CFAP299: variants seen among roughly 807,000 people sequenced by gnomAD.
CFAP299 encodes the protein cilia- and flagella-associated protein 299.
A neutral mutation model predicts 27.0 loss-of-function variants in CFAP299; 21 were observed. The ratio of observed to expected loss-of-function variants is 0.78; its 90% CI spans 0.55 to 1.12. The LOEUF (loss-of-function observed/expected upper bound fraction) is 1.12, where lower values mean the gene tolerates loss of function less well. Among genes scored for constraint, CFAP299 ranks in the 50% most tolerant of loss-of-function variants. CFAP299 has a pLI of 0.00. For missense variants in CFAP299, 310 were observed against 276.6 expected, an observed-to-expected ratio of 1.12 and a Z score of -0.86; for synonymous variants, 104 against 98.1, an observed-to-expected ratio of 1.06 and a Z score of -0.36.
chr4:80,830,718 A>G (rs1455147180), intron 3 of CFAP299, among the ~76,000 whole-genome samples: 2 of 152,084 alleles, frequency 1.3e-5, no homozygotes, highest in East Asian at 3.9e-4. Flanking sequence ...GAGTAACTTG[A>G]CTAATTGTGT....
chr4:80,323,272 C>G, the CFAP299 span, among the ~76,000 whole-genome samples: 1 of 152,132 alleles, frequency 6.6e-6, no homozygotes, highest in African/African-American at 2.4e-5. Context: ...ACCAACATTA[C>G]TTAGAAAAAA....
At chr4:80,949,441 A>T (rs1292221568) in intron 5 of CFAP299, among the ~76,000 whole-genome samples, 1 of 152,058 alleles carries the variant, frequency 6.6e-6, no homozygotes, top group Non-Finnish European at 1.5e-5. Flanking sequence ...ATGTTAAGTG[A>T]TAATGGAGGA....
At chr4:80,651,074 T>C (rs928247191) in intron 3 of CFAP299, among the ~76,000 whole-genome samples, 8 of 152,160 alleles carry the variant, frequency 5.3e-5, no homozygotes, top group Admixed American at 2.0e-4. Flanking sequence ...TAGTGATTTG[T>C]ATATTTTTGT....
chr4:80,763,136 T>C (rs1725635068), intron 3 of CFAP299, among the ~76,000 whole-genome samples: 1 of 152,164 alleles, frequency 6.6e-6, no homozygotes, highest in East Asian at 1.9e-4. Context: ...GTAAAGTGTA[T>C]TTAAATAGGA....
chr4:80,617,412 A>G (rs1320156840), intron 3 of CFAP299, among the ~76,000 whole-genome samples: 1 of 152,128 alleles, frequency 6.6e-6, no homozygotes, highest in South Asian at 2.1e-4. Context: ...ATACCCTGCC[A>G]TCAACTTAGC....
chr4:80,430,944 C>T (rs753252395), intron 2 of CFAP299, among the ~76,000 whole-genome samples: 2 of 152,106 alleles, frequency 1.3e-5, no homozygotes, highest in African/African-American at 4.8e-5. Flanking sequence ...ACCTTTTCTT[C>T]CAGATACCCA....
chr4:80,717,505 C>T (rs1166189413), intron 3 of CFAP299, among the ~76,000 whole-genome samples: 1 of 152,052 alleles, frequency 6.6e-6, no homozygotes, highest in Non-Finnish European at 1.5e-5. Context: ...AGTCTTTTTC[C>T]AACTACTGGT....
chr4:80,558,354 G>GTTTTTTTTTTTTTTTTTTTTTTTT lies in CFAP299; in HGVS notation c.243-24736_243-24735insTTTTTTTTTTTTTTTTTTTTTTTT, dbSNP rs1159652533. Among the ~76,000 whole-genome samples the GTTTTTTTTTTTTTTTTTTTTTTTT allele has an allele frequency of 2.4e-5, 3 of 126,444 alleles. 1 individual carries two copies. The highest frequency in any genetic ancestry group is 9.9e-5 in the African/African-American group (3 of 30,160). The allele number at this position is 126,444 out of a possible 152,430, so 83.0% of individuals were successfully genotyped here. On this transcript the variant is annotated intron_variant, in intron 2 of 5. Transcript: ENST00000358105. ...ACTTTTGTGGTTTTTTTGTTTGTTT[G>GTTTTTTTTTTTTTTTTTTTTTTTT]TTTGTTTGTTTGTTTTTTTTTTGGC... is the stretch of plus-strand genomic sequence containing the variant.
At chr4:80,640,951 G>A (rs1739693842) in intron 3 of CFAP299, among the ~76,000 whole-genome samples, 1 of 152,104 alleles carries the variant, frequency 6.6e-6, no homozygotes, top group South Asian at 2.1e-4. Flanking sequence ...TATGCTATAT[G>A]CATTAATTAA....
At chr4:80,618,159 G>C (rs1482986642) in intron 3 of CFAP299, among the ~76,000 whole-genome samples, 1 of 152,074 alleles carries the variant, frequency 6.6e-6, no homozygotes, top group Admixed American at 6.6e-5. Context: ...TCATGGTCAT[G>C]GTTGAAAGTC....
intron 3 of CFAP299, among the ~76,000 whole-genome samples, chr4:80,700,394 T>C (rs1721400350): frequency 6.6e-6 from 1 of 152,152 alleles, no homozygotes; most frequent in Non-Finnish European, 1.5e-5. Context: ...TTAATCATAA[T>C]ACTTATTGTT....
At chr4:80,580,833 A>G (rs1009337629) in intron 2 of CFAP299, among the ~76,000 whole-genome samples, 2 of 152,110 alleles carry the variant, frequency 1.3e-5, no homozygotes, top group African/African-American at 4.8e-5. Flanking sequence ...AGTAGAAGTT[A>G]TATGTGTTAC....
intron 3 of CFAP299, among the ~76,000 whole-genome samples, chr4:80,670,533 T>A (rs1317654083): frequency 3.9e-5 from 6 of 152,200 alleles, no homozygotes; most frequent in Non-Finnish European, 8.8e-5. Context: ...CAAATGGTAT[T>A]TCTAGATCTA....
At chr4:80,347,890 A>G (rs1286829504) in intron 1 of CFAP299, among the ~76,000 whole-genome samples, 1 of 152,240 alleles carries the variant, frequency 6.6e-6, no homozygotes, top group African/African-American at 2.4e-5. Context: ...ATAAGGCTAC[A>G]GTAACCAAAA....
At chr4:80,444,292 C>T (rs1248289847) in intron 2 of CFAP299, among the ~76,000 whole-genome samples, 2 of 152,148 alleles carry the variant, frequency 1.3e-5, no homozygotes, top group African/African-American at 4.8e-5. Flanking sequence ...TACAAGGCTA[C>T]AGTAACTAAG....
intron 2 of CFAP299, among the ~76,000 whole-genome samples, chr4:80,368,337 C>T (rs1723948114): frequency 6.6e-6 from 1 of 152,046 alleles, no homozygotes; most frequent in Non-Finnish European, 1.5e-5. Flanking sequence ...GGCTCTTGTA[C>T]CCTTTATTCT....
At chr4:80,370,991 C>T (rs528579729) in intron 2 of CFAP299, among the ~76,000 whole-genome samples, 17 of 152,350 alleles carry the variant, frequency 1.1e-4, no homozygotes, top group South Asian at 1.0e-3. Flanking sequence ...CTGCCCCTGC[C>T]GCAGGGTTTT....
chr4:80,881,962 A>G (rs2110177100), intron 4 of CFAP299, among the ~76,000 whole-genome samples: 1 of 152,288 alleles, frequency 6.6e-6, no homozygotes, highest in South Asian at 2.1e-4. Context: ...AACCAAAATG[A>G]AAAATTTACT....
intron 4 of CFAP299, among the ~76,000 whole-genome samples, chr4:80,924,514 A>ATGTGTGTGTGTG (rs35374483): frequency 1.9e-3 from 257 of 137,500 alleles, no homozygotes; most frequent in African/African-American, 6.4e-3. Flanking sequence ...ACAATTCATT[A>ATGTGTGTGTGTG]TGTGTGTGTG....
Sources: gnomAD v4.1 joint callset for allele counts (sites outside exome capture counted in the v4.1 genomes callset) on GRCh38, gnomAD v4.1.1 for gene constraint, MANE v1.5 for transcripts, NCBI Gene and HGNC (gene_info 2026-07-23, HGNC 2026-07-21) for gene names.